The following GLIS3 variants were observed in gnomAD, a reference collection of about 807,000 sequenced individuals.
The protein encoded by GLIS3 is zinc finger protein GLIS3.
A neutral mutation model predicts 78.6 loss-of-function variants in GLIS3; 53 were observed. The ratio of observed to expected loss-of-function variants is 0.67; its 90% CI spans 0.54 to 0.85. The LOEUF (loss-of-function observed/expected upper bound fraction) is 0.85. Among genes scored for constraint, GLIS3 ranks in the 40% least tolerant of loss-of-function variants. GLIS3 has a pLI of 0.00. For missense variants in GLIS3, 1,703 were observed against 1,231.1 expected (o/e 1.38, Z -5.74); for synonymous variants, 684 against 509.9 (o/e 1.34, Z -4.60).
intron 6 of GLIS3, among the ~76,000 whole-genome samples, chr9:3,925,452 A>T (rs1299796387): frequency 6.6e-6 from 1 of 152,170 alleles, no homozygotes; most frequent in Middle Eastern, 3.2e-3. Context: ...GAGAAAAAAA[A>T]TCGATTCCTG....
At position 3,905,035 on chromosome 9, in the gene GLIS3, C is replaced by T. The variant is rs980169539; in HGVS notation, c.1984-6200G>A. Among the ~76,000 whole-genome samples the T allele has an allele frequency of 2.1e-5, 3 of 145,946 alleles. No individual in the cohort carries two copies. In the East Asian group the frequency reaches 5.9e-4, roughly 28 times the overall value. On this transcript the variant is annotated intron_variant, in intron 6 of 10. Coordinates refer to ENST00000381971, the MANE Select transcript of GLIS3 (RefSeq NM_001042413.2). ...TCTCCCAGGCCGGAGTGCAGTGGCGCGATCTCGGCTCACTGCAAGCTCTGC... is the reference window on the plus strand; with the variant it reads ...TCTCCCAGGCCGGAGTGCAGTGGCGTGATCTCGGCTCACTGCAAGCTCTGC...
At chr9:4,407,452 T>C in the GLIS3 span, among the ~76,000 whole-genome samples, 3 of 152,196 alleles carry the variant, frequency 2.0e-5, no homozygotes, top group Non-Finnish European at 2.9e-5. Flanking sequence ...GAGACCATCC[T>C]GGCTAACACT....
At chr9:4,203,493 C>G (rs150262946) in intron 2 of GLIS3, among the ~76,000 whole-genome samples, 112 of 152,056 alleles carry the variant, frequency 7.4e-4, no homozygotes, top group Admixed American at 5.3e-3. Context: ...TAGCCTGGAA[C>G]TTAAAATTAA....
the GLIS3 span, among the ~76,000 whole-genome samples, chr9:4,390,052 C>T: frequency 1.3e-5 from 2 of 152,104 alleles, no homozygotes; most frequent in South Asian, 4.1e-4. Context: ...GGGCTAAAAC[C>T]CAGACTAATA....
At chr9:4,479,774 C>T in the GLIS3 span, among the ~76,000 whole-genome samples, 1 of 152,068 alleles carries the variant, frequency 6.6e-6, no homozygotes, top group Non-Finnish European at 1.5e-5. Flanking sequence ...GACAGAGCTG[C>T]TACCCTCCTT....
At chr9:4,410,003 C>T in the GLIS3 span, among the ~76,000 whole-genome samples, 1 of 152,120 alleles carries the variant, frequency 6.6e-6, no homozygotes, top group Non-Finnish European at 1.5e-5. Flanking sequence ...CAGGGCCTCA[C>T]TCTGTCACCC....
chr9:4,148,366 G>T (rs936053426), intron 2 of GLIS3, among the ~76,000 whole-genome samples: 1 of 151,896 alleles, frequency 6.6e-6, no homozygotes, highest in African/African-American at 2.4e-5. Context: ...ACATCCCCAC[G>T]TCCCCATACT....
chr9:4,070,053 A>G (rs1827457498), intron 4 of GLIS3, among the ~76,000 whole-genome samples: 1 of 152,100 alleles, frequency 6.6e-6, no homozygotes, highest in Admixed American at 6.5e-5. Flanking sequence ...TGTCCAGCTT[A>G]CTTTTATCTG....
intron 4 of GLIS3, among the ~76,000 whole-genome samples, chr9:3,987,622 A>G (rs758067833): frequency 1.1e-4 from 16 of 151,476 alleles, no homozygotes; most frequent in Non-Finnish European, 1.8e-4. Flanking sequence ...ACTTGAACCC[A>G]GGAGGCAGAG....
upstream of GLIS3, among the ~76,000 whole-genome samples, chr9:4,351,172 G>A (rs779012173): frequency 6.6e-6 from 1 of 152,104 alleles, no homozygotes. Flanking sequence ...GAACACAGGA[G>A]GTGGAGGTTG....
intron 2 of GLIS3, among the ~76,000 whole-genome samples, chr9:4,312,658 C>T (rs2130530458): frequency 6.6e-6 from 1 of 152,340 alleles, no homozygotes; most frequent in Middle Eastern, 3.4e-3. Context: ...CCTGACTATG[C>T]TGTTACCTTA....
the GLIS3 span, among the ~76,000 whole-genome samples, chr9:4,361,748 C>A: frequency 6.6e-6 from 1 of 152,324 alleles, no homozygotes; most frequent in African/African-American, 2.4e-5. Context: ...AGGCTCCTAA[C>A]CACCTTTCCT....
intron 2 of GLIS3, among the ~76,000 whole-genome samples, chr9:4,201,223 T>C (rs1440844164): frequency 6.6e-6 from 1 of 152,002 alleles, no homozygotes; most frequent in Non-Finnish European, 1.5e-5. Flanking sequence ...TCACAGCCAA[T>C]ATCATACTAA....
At chr9:3,862,136 C>T (rs537893256) in intron 8 of GLIS3, among the ~76,000 whole-genome samples, 1 of 152,006 alleles carries the variant, frequency 6.6e-6, no homozygotes, top group East Asian at 1.9e-4. Context: ...GGAGCACCAT[C>T]TTATTTGGAT....
intron 1 of GLIS3, among the ~76,000 whole-genome samples, chr9:4,296,173 G>T (rs565094352): frequency 6.6e-6 from 1 of 151,800 alleles, no homozygotes; most frequent in East Asian, 1.9e-4. Context: ...CTATAATCTG[G>T]GAGAAGAGTA....
chr9:3,972,630 C>G (rs73388204), intron 4 of GLIS3, among the ~76,000 whole-genome samples: 5,297 of 152,178 alleles, frequency 0.035, 315 homozygotes, highest in African/African-American at 0.12. Flanking sequence ...TCTTTAGGCA[C>G]TTTTCTCCTT....
the GLIS3 span, among the ~76,000 whole-genome samples, chr9:4,397,698 G>C: frequency 1.6e-5 from 1 of 60,976 alleles, no homozygotes; most frequent in Non-Finnish European, 3.1e-5. Flanking sequence ...GGGAGGGAGG[G>C]AGGGAGGAAG....
chr9:4,099,911 C>T (rs1045227048), intron 4 of GLIS3, among the ~76,000 whole-genome samples: 2 of 152,120 alleles, frequency 1.3e-5, no homozygotes, highest in Non-Finnish European at 2.9e-5. Context: ...AACATAAAGA[C>T]TTCGTCATCT....
At chr9:4,324,338 T>C (rs762651215) in intron 2 of GLIS3, among the ~76,000 whole-genome samples, 53 of 152,208 alleles carry the variant, frequency 3.5e-4, no homozygotes, top group Non-Finnish European at 7.3e-4. Flanking sequence ...TTGCCACTTA[T>C]TTTCAATGTC....
Sources: gnomAD v4.1 joint callset for allele counts (sites outside exome capture counted in the v4.1 genomes callset) on GRCh38, gnomAD v4.1.1 for gene constraint, MANE v1.5 for transcripts, NCBI Gene and HGNC (gene_info 2026-07-23, HGNC 2026-07-21) for gene names.